Variants in CTRB2 observed in about 807,000 individuals in gnomAD.
The protein encoded by CTRB2 is chymotrypsinogen B2.
Under a neutral mutation model 19.3 loss-of-function variants are expected in CTRB2, and 9 were observed. The ratio of observed to expected loss-of-function variants is 0.47; its 90% CI spans 0.28 to 0.81. The LOEUF is 0.81. Among genes scored for constraint, CTRB2 ranks in the 40% least tolerant of loss-of-function variants. The pLI is 0.11. For synonymous variants in CTRB2, 98 were observed against 117.3 expected (o/e 0.84, Z 1.06); for missense variants, 210 against 269.7 (o/e 0.78, Z 1.55).
chr16:75,204,411 G>T (rs565670155), intron 6 of CTRB2, 89 bp from the exon 7 acceptor site: 1 of 1,311,926 alleles, frequency 7.6e-7, no homozygotes, highest in Non-Finnish European at 1.1e-6. Flanking sequence ...GGAGGGGTGC[G>T]GAGAAATGGT....
In CTRB2 at chr16:75,204,258, G is replaced by T; in HGVS notation, c.695C>A (p.Ser232Tyr). Residue 232 changes from serine to tyrosine, a missense_variant, in exon 7 of 7, where the codon TCC (serine) becomes TAC (tyrosine). This residue lies in a region of CTRB2 where 120 missense variants were observed against 90.8 expected (regional missense o/e 1.32). Transcript: ENST00000303037. ...GGTAGAGCAGGTGCGGCTGCCCCAG[G>T]ACACAATGCCCACCAGGGTCCAGGC... is the stretch of plus-strand genomic sequence containing the variant. ...DGAWTLVGIV[S>Y]WGSRTCSTTT... 6.2e-7 allele frequency: 1 copy of T among 1,614,128 alleles called. No homozygotes were observed. Among genetic ancestry groups the T allele is most frequent in the Admixed American group, 1.7e-5 (1 of 60,024 alleles).
intron 6 of CTRB2, 179 bp downstream of exon 6, chr16:75,204,594 G>T: frequency 7.8e-7 from 1 of 1,275,622 alleles, no homozygotes; most frequent in Non-Finnish European, 1.1e-6. Context: ...AGTCCCCAGG[G>T]GCAGCCTCAG....
chr16:75,206,163 A>G lies in CTRB2; in HGVS notation c.83T>C (p.Leu28Pro), dbSNP rs1475179926. Residue 28 changes from leucine (L) to proline (P), a missense_variant, in exon 2 of 7, where the codon CTC (leucine) becomes CCC (proline). Leu to Pro is a moderately conservative substitution (Grantham distance 98). Around this residue, in one of 4 missense-constraint regions of CTRB2, gnomAD observed 57 missense variants for 72.6 expected, o/e 0.79. Transcript: ENST00000303037. The stretch of plus-strand genomic sequence containing the variant: ...ATTCACGATCCTGGACAGGCCGCTG[A>G]GCACAGGGTGGATGGCGGGGACCCC... The part of the protein sequence containing the change: ...GCGVPAIHPV[L>P]SGLSRIVNGE... The G allele has an allele frequency of 1.3e-6, 2 of 1,553,838 alleles. No homozygotes were observed. Among genetic ancestry groups the G allele is most frequent in the South Asian group, 1.2e-5 (1 of 84,486 alleles).
chr16:75,204,366 C>G lies in CTRB2; in HGVS notation c.631-44G>C, dbSNP rs545187336. On this transcript the variant is annotated intron_variant, in intron 6 of 6. Transcript: ENST00000303037. ...GTATCTCTAGGCCTGAAAGGGGTGC[C>G]AGGGCCTAGGGGACCCTGACCTGGT... is the stretch of plus-strand genomic sequence containing the variant. The G allele has an allele frequency of 9.4e-6, 15 of 1,597,702 alleles. No individual in the cohort carries two copies. In the South Asian group the frequency reaches 1.5e-4, roughly 16 times the overall value.
At position 75,204,301 on chromosome 16, in the gene CTRB2, C is replaced by T. The variant is rs756664427; in HGVS notation, c.652G>A (p.Val218Ile). Reference sequence around the variant, plus strand: ...GTCCAGGCTCCGTCCTTCTGGCAGACCAGGGGGCCTCCAGAGTCACCCTGC... The same window carrying T: ...GTCCAGGCTCCGTCCTTCTGGCAGATCAGGGGGCCTCCAGAGTCACCCTGC... ...SCMGDSGGPL[V>I]CQKDGAWTLV... Residue 218 changes from valine to isoleucine, a missense_variant, in exon 7 of 7, where the codon GTC (valine) becomes ATC (isoleucine). By Grantham distance (29) the Val-to-Ile change is conservative. This residue lies in a region of CTRB2 where 120 missense variants were observed against 90.8 expected (regional missense o/e 1.32). Transcript: ENST00000303037. The T allele has an allele frequency of 1.2e-6, 2 of 1,613,942 alleles. No individual in the cohort carries two copies. Among genetic ancestry groups the T allele is most frequent in the Non-Finnish European group, 1.7e-6 (2 of 1,180,028 alleles).
rs779203245 is a variant in CTRB2, at chr16:75,204,711, A to G, written c.630+62T>C. The G allele has an allele frequency of 4.6e-6, 7 of 1,535,980 alleles. 1 individual carries two copies. In the African/African-American group the frequency reaches 6.9e-5, roughly 15 times the overall value. ...AGTAGATGAGAGCAGAGAGGGGTGG[A>G]AAGCCCAGACCTCCCCTGCACCCCG... On this transcript the variant is annotated intron_variant, in intron 6 of 6. Coordinates refer to ENST00000303037, the MANE Select transcript of CTRB2 (RefSeq NM_001025200.4).
At chr16:75,207,001 G>A in intron 1 of CTRB2, 89 bp downstream of exon 1, 4 of 1,255,546 alleles carry the variant, frequency 3.2e-6, no homozygotes, top group Middle Eastern at 5.0e-4. Context: ...CAGCTGAACT[G>A]GGAGCTGGGA....
At position 75,204,178 on chromosome 16, in the gene CTRB2, T is replaced by A. The variant is rs200309186; in HGVS notation, c.775A>T (p.Ile259Phe). 1 of 1,614,002 alleles carries A rather than the reference T, an allele frequency of 6.2e-7. No individual in the cohort carries two copies. The highest frequency in any genetic ancestry group is 8.5e-7 in the Non-Finnish European group (1 of 1,179,982). Residue 259 changes from isoleucine to phenylalanine, a missense_variant, in exon 7 of 7, where the codon ATC (isoleucine) becomes TTC (phenylalanine). Transcript: ENST00000303037. ...CTGCGGGCTCAGTTGGCGGCCAGGA[T>A]CTTCTGCACCCAGGGTATGAGCTTG... ...VAKLIPWVQK[I>F]LAAN is the part of the protein sequence containing the mutation.
rs368315546 is a variant in CTRB2, at chr16:75,204,286, C to T, written c.667G>A (p.Gly223Arg). The change falls in exon 7 of 7, where the codon GGA becomes AGA. Residue 223 changes from glycine (G) to arginine (R), a missense_variant. Physicochemically the swap from Gly to Arg is moderately radical, Grantham distance 125. Around this residue, in one of 4 missense-constraint regions of CTRB2, gnomAD observed 120 missense variants for 90.8 expected, o/e 1.32. Transcript: ENST00000303037. ...SGGPLVCQKD[G>R]AWTLVGIVSW... is the part of the protein sequence containing the mutation. Reference sequence around the variant, plus strand: ...ACAATGCCCACCAGGGTCCAGGCTCCGTCCTTCTGGCAGACCAGGGGGCCT... The same window carrying T: ...ACAATGCCCACCAGGGTCCAGGCTCTGTCCTTCTGGCAGACCAGGGGGCCT... 1.6e-5 allele frequency: 26 copies of T among 1,614,064 alleles called. No homozygotes were observed. The highest frequency in any genetic ancestry group is 6.7e-5 in the African/African-American group (5 of 75,004).
chr16:75,207,060 C>T (rs2038904490), intron 1 of CTRB2, 30 bp downstream of exon 1: 5 of 1,549,446 alleles, frequency 3.2e-6, no homozygotes, highest in Non-Finnish European at 4.4e-6. Flanking sequence ...AGGAGAAAAC[C>T]CTTCGGCCTC....
chr16:75,206,650 C>A (rs139614225), intron 1 of CTRB2: 22 of 294,784 alleles, frequency 7.5e-5, no homozygotes, highest in Non-Finnish European at 1.2e-4. Context: ...GGAAGTGCTC[C>A]GTGAGCAGGA....
chr16:75,204,455 A>C, intron 6 of CTRB2, 133 bp from the exon 7 acceptor site: 1 of 983,172 alleles, frequency 1.0e-6, no homozygotes, highest in South Asian at 1.6e-5. Flanking sequence ...CGGGGTCCTG[A>C]GATCTGGGTT....
Position 75,207,137 on chromosome 16 carries a change from G to A in CTRB2, c.5C>T (p.Ala2Val). 1 of 1,558,316 alleles carries A rather than the reference G, an allele frequency of 6.4e-7. No homozygotes were observed. Among genetic ancestry groups the A allele is most frequent in the South Asian group, 1.2e-5 (1 of 84,626 alleles). M[A>V]FLWLLSCWAL... ...CCAGCAGGAGAGGAGCCAGAGGAAA[G>A]CCATGGTGCCGCTGGCAGGGGTGTA... The change falls in exon 1 of 7, where the codon GCT becomes GTT. Residue 2 changes from alanine to valine, a missense_variant. Physicochemically the swap from Ala to Val is moderately conservative, Grantham distance 64 (BLOSUM62 0). Around this residue, in one of 4 missense-constraint regions of CTRB2, gnomAD observed 57 missense variants for 72.6 expected, o/e 0.79. Transcript: ENST00000303037.
intron 6 of CTRB2, 25 bp downstream of exon 6, chr16:75,204,748 A>G (rs2038874383): frequency 5.5e-6 from 7 of 1,264,296 alleles, no homozygotes; most frequent in Non-Finnish European, 7.4e-6. Context: ...TCGCCTGGCC[A>G]GGGCCTGGGC....
In CTRB2 at chr16:75,206,937, G is replaced by C. The variant is rs928427332; in HGVS notation, c.52+153C>G. 4.1e-6 allele frequency: 3 copies of C among 734,716 alleles called. No homozygotes were observed. In the African/African-American group the frequency reaches 5.2e-5, roughly 13 times the overall value. The allele number at this position is 734,716 out of a possible 1,614,324, so 45.5% of individuals were successfully genotyped here. ...CTGGGAGGGAGGCATTGACCTCTCAGCGCCCACGGCAGAGATGGAGCCGGT... is the reference window on the plus strand; with the variant it reads ...CTGGGAGGGAGGCATTGACCTCTCACCGCCCACGGCAGAGATGGAGCCGGT... On this transcript the variant is annotated intron_variant, in intron 1 of 6. Transcript: ENST00000303037.
At chr16:75,204,392 G>A (rs535078257) in intron 6 of CTRB2, 70 bp from the exon 7 acceptor site, 54 of 1,438,116 alleles carry the variant, frequency 3.8e-5, no homozygotes, top group Non-Finnish European at 4.8e-5. Context: ...CTGACCTGGT[G>A]GAGTCTAGGG....
chr16:75,206,476 C>A lies in CTRB2; in HGVS notation c.53-283G>T, dbSNP rs115274440. The stretch of plus-strand genomic sequence containing the variant: ...AGCGTGCGGTGGGCGGCAGCCCCGG[C>A]GCTCAGTCTGGGAGGCCAGACTCTG... On this transcript the variant is annotated intron_variant, in intron 1 of 6. Coordinates refer to ENST00000303037, the MANE Select transcript of CTRB2 (RefSeq NM_001025200.4). 6 of 511,770 alleles carry A rather than the reference C, an allele frequency of 1.2e-5. No homozygotes were observed. In the South Asian group the frequency reaches 1.8e-4, roughly 15 times the overall value. The allele number at this position is 511,770 out of a possible 1,614,324, so 31.7% of individuals were successfully genotyped here. A position where few individuals can be genotyped will look rare whatever the true frequency, so the allele number is the denominator to read the frequency against.
At position 75,204,144 on chromosome 16, in the gene CTRB2, T is replaced by TG; in HGVS notation, c.*16dup. The stretch of plus-strand genomic sequence containing the variant: ...TTAATGGGAAATCTTAAGGCAGGGG[T>TG]GGCAGGAGCTGCGGGCTCAGTTGGC... On this transcript the variant is annotated 3_prime_UTR_variant, in exon 7 of 7. Transcript: ENST00000303037. The TG allele has an allele frequency of 6.2e-7, 1 of 1,613,902 alleles. No individual in the cohort carries two copies. The highest frequency in any genetic ancestry group is 2.2e-5 in the East Asian group (1 of 44,870).
Position 75,207,093 on chromosome 16 carries a change from A to C in CTRB2, c.49T>G (p.Phe17Val). The C allele has an allele frequency of 6.4e-7, 1 of 1,555,930 alleles. No homozygotes were observed. The highest frequency in any genetic ancestry group is 8.7e-7 in the Non-Finnish European group (1 of 1,148,872). ...LSCWALLGTTFGCGVPAIHPV... is the reference protein window; with the variant it reads ...LSCWALLGTTVGCGVPAIHPV... ...CTCCGCAGGGCCTGGCACTCACCGA[A>C]GGTGGTACCCAGGAGGGCCCAGCAG... The change falls in exon 1 of 7, where the codon TTC (phenylalanine) becomes GTC (valine). Residue 17 changes from phenylalanine to valine, a missense_variant. By Grantham distance (50) the Phe-to-Val change is conservative. This residue lies in a region of CTRB2 where 57 missense variants were observed against 72.6 expected (regional missense o/e 0.79). Transcript: ENST00000303037.
Sources: gnomAD v4.1 joint callset for allele counts on GRCh38, gnomAD v4.1.1 for gene constraint, gnomAD v4.1.1 regional missense constraint, MANE v1.5 for transcripts, NCBI Gene and HGNC (gene_info 2026-07-23, HGNC 2026-07-21) for gene names.